KALRN: variants seen among roughly 807,000 people sequenced by gnomAD.
KALRN encodes kalirin.
KALRN carries 70 observed loss-of-function variants against 353.7 expected under a neutral mutation model. That is an observed-to-expected ratio of 0.20 (90% confidence interval 0.16 to 0.24). KALRN has a LOEUF of 0.24. Ranked by LOEUF, KALRN falls within the 10% of genes least tolerant of loss-of-function variation. The probability of loss-of-function intolerance (pLI) is 1.00; values close to 1 mark genes in which losing one functional copy is unlikely to be tolerated. For synonymous variants in KALRN, 1,391 were observed against 1,434.8 expected (o/e 0.97, Z 0.69); for missense variants, 2,791 against 3,756.7 (o/e 0.74, Z 6.72).
At chr3:124,430,052 A>C (rs906786315) in intron 15 of KALRN, among the ~76,000 whole-genome samples, 1 of 152,184 alleles carries the variant, frequency 6.6e-6, no homozygotes, top group Non-Finnish European at 1.5e-5. Context: ...GATAGGTACT[A>C]TGTGAGACTA....
chr3:124,444,460 A>G (rs796780152), intron 19 of KALRN, among the ~76,000 whole-genome samples: 13 of 152,258 alleles, frequency 8.5e-5, no homozygotes, highest in African/African-American at 3.1e-4. Context: ...AGGAATGAAA[A>G]AGTTACATGA....
Position 124,380,066 on chromosome 3 carries a change from G to A in KALRN, c.1771-4779G>A, listed in dbSNP as rs75698139. Among the ~76,000 whole-genome samples, 1,583 of 152,158 alleles carry A rather than the reference G, an allele frequency of 0.01. 65 individuals are homozygous for A. The East Asian group carries it at 0.13, about 12-fold the overall frequency. Reference sequence around the variant, plus strand: ...CTACATTGCCTCTTTTGAATAGTAAGGGTGACTTTCAGGCCTCATCCTCCT... The same window carrying A: ...CTACATTGCCTCTTTTGAATAGTAAAGGTGACTTTCAGGCCTCATCCTCCT... On this transcript the variant is annotated intron_variant, in intron 10 of 59. Transcript: ENST00000682506.
chr3:124,490,556 A>G, intron 29 of KALRN, 138 bp from the exon 30 acceptor site: 1 of 674,370 alleles, frequency 1.5e-6, no homozygotes. Context: ...CAGTCTCTGG[A>G]GTTAGCAGAG....
At chr3:124,088,639 A>T (rs909450607) in intron 1 of KALRN, among the ~76,000 whole-genome samples, 27 of 152,168 alleles carry the variant, frequency 1.8e-4, no homozygotes, top group African/African-American at 6.5e-4. Context: ...GAAAAGTTCA[A>T]GTTTTATGGG....
At chr3:124,438,362 C>T (rs1489954148) in intron 17 of KALRN, among the ~76,000 whole-genome samples, 1 of 152,090 alleles carries the variant, frequency 6.6e-6, no homozygotes, top group Non-Finnish European at 1.5e-5. Flanking sequence ...ATGTCATGTC[C>T]TATGGTGGGA....
chr3:124,317,801 G>A (rs912383626), intron 6 of KALRN, among the ~76,000 whole-genome samples: 2 of 150,698 alleles, frequency 1.3e-5, no homozygotes, highest in Admixed American at 6.6e-5. Flanking sequence ...GGAAGTCTTA[G>A]AGGCTCTAAT....
intron 34 of KALRN, among the ~76,000 whole-genome samples, chr3:124,566,369 G>A (rs1369825421): frequency 2.0e-5 from 3 of 152,080 alleles, no homozygotes; most frequent in Admixed American, 6.5e-5. Flanking sequence ...CAGGTGGGGT[G>A]GTGTGCACCT....
chr3:124,102,181 T>C (rs2061923917), intron 1 of KALRN, among the ~76,000 whole-genome samples: 1 of 151,994 alleles, frequency 6.6e-6, no homozygotes, highest in Admixed American at 6.6e-5. Context: ...CCTATTAGAG[T>C]TATTTAATTG....
intron 5 of KALRN, among the ~76,000 whole-genome samples, chr3:124,276,011 G>A (rs1285778487): frequency 6.6e-6 from 1 of 152,258 alleles, no homozygotes. Context: ...TCCCATGAGA[G>A]GTGAGCACCT....
chr3:124,650,967 G>A (rs1404341754), intron 38 of KALRN, 29 bp downstream of exon 38: 1 of 1,612,650 alleles, frequency 6.2e-7, no homozygotes. Flanking sequence ...TCCTCCCTGT[G>A]GTGCACATGT....
At chr3:124,639,744 G>A (rs1397983304) in intron 37 of KALRN, among the ~76,000 whole-genome samples, 2 of 152,218 alleles carry the variant, frequency 1.3e-5, no homozygotes, top group South Asian at 4.1e-4. Context: ...TTTCTGTGGT[G>A]AGTGTGCCAT....
intron 33 of KALRN, among the ~76,000 whole-genome samples, chr3:124,537,231 G>C (rs944278174): frequency 2.0e-5 from 3 of 152,036 alleles, no homozygotes; most frequent in African/African-American, 7.2e-5. Flanking sequence ...TAGTAGAGAT[G>C]GGGTTTCACC....
intron 1 of KALRN, among the ~76,000 whole-genome samples, chr3:124,119,989 T>C (rs774562497): frequency 1.3e-5 from 2 of 152,138 alleles, no homozygotes; most frequent in Non-Finnish European, 2.9e-5. Flanking sequence ...CATCAATCCA[T>C]CTAATCTCAC....
chr3:124,065,103 G>A (rs1482090818), intron 1 of KALRN, among the ~76,000 whole-genome samples: 1 of 152,160 alleles, frequency 6.6e-6, no homozygotes, highest in African/African-American at 2.4e-5. Flanking sequence ...AGACTGCTTT[G>A]TACTAGATTT....
At chr3:124,528,495 C>G (rs186447942) in intron 33 of KALRN, among the ~76,000 whole-genome samples, 9 of 152,246 alleles carry the variant, frequency 5.9e-5, no homozygotes, top group Admixed American at 5.9e-4. Flanking sequence ...GCAGCAGACT[C>G]GAGAGTTAAG....
At chr3:124,414,224 TG>T (rs2092369237) in intron 14 of KALRN, among the ~76,000 whole-genome samples, 1 of 152,182 alleles carries the variant, frequency 6.6e-6, no homozygotes, top group Non-Finnish European at 1.5e-5. Context: ...AGAGAATCAA[TG>T]ATGGCAATCA....
intron 1 of KALRN, among the ~76,000 whole-genome samples, chr3:124,226,079 T>G (rs2078466611): frequency 6.6e-6 from 1 of 152,216 alleles, no homozygotes; most frequent in Non-Finnish European, 1.5e-5. Context: ...AAATCATGTA[T>G]TTTGATACAG....
chr3:124,176,944 G>A (rs933948195), intron 1 of KALRN, among the ~76,000 whole-genome samples: 2 of 152,188 alleles, frequency 1.3e-5, no homozygotes, highest in East Asian at 1.9e-4. Flanking sequence ...AAAGGAGACA[G>A]CAGATTGATT....
rs756075479 is a variant in KALRN, at chr3:124,516,793, GTTTTT to G, written c.4935+20386_4935+20390del. Among the ~76,000 whole-genome samples, 3 of 148,454 alleles carry G rather than the reference GTTTTT, an allele frequency of 2.0e-5. 1 individual carries two copies. Among genetic ancestry groups the G allele is most frequent in the Admixed American group, 6.7e-5 (1 of 14,866 alleles). On this transcript the variant is annotated intron_variant, in intron 33 of 59. Transcript: ENST00000682506. ...TCTTTTTTTTGTTTCTTTCTTTCTTGTTTTTTTTTTCTTTTTAATTATATTTTAGT... is the reference window on the plus strand; with the variant it reads ...TCTTTTTTTTGTTTCTTTCTTTCTTGTTTTTCTTTTTAATTATATTTTAGT...
Sources: allele counts gnomAD v4.1 joint callset (sites outside exome capture counted in the v4.1 genomes callset), GRCh38; gene constraint gnomAD v4.1.1; transcripts MANE v1.5; gene names NCBI Gene and HGNC (gene_info 2026-07-23, HGNC 2026-07-21).